The following SLC4A3 variants were observed in gnomAD, a reference collection of about 807,000 sequenced individuals.
SLC4A3 encodes solute carrier family 4 member 3.
Under a neutral mutation model 114.2 loss-of-function variants are expected in SLC4A3, and 47 were observed. That is an observed-to-expected ratio of 0.41 (90% CI 0.33 to 0.52). The LOEUF (loss-of-function observed/expected upper bound fraction) is 0.52, where lower values mean the gene tolerates loss of function less well. Ranked by LOEUF, SLC4A3 falls within the 20% of genes least tolerant of loss-of-function variation. The probability of loss-of-function intolerance (pLI) is 0.21; values close to 1 mark genes in which losing one functional copy is unlikely to be tolerated. For synonymous variants in SLC4A3, 693 were observed against 710.3 expected (o/e 0.98, Z 0.39); for missense variants, 1,312 against 1,668.3 (o/e 0.79, Z 3.72).
rs1698884612 is a variant in SLC4A3, at chr2:219,630,625, A to G, written c.811+273A>G. 6.6e-6 allele frequency among the ~76,000 whole-genome samples: 1 copy of G among 152,012 alleles called. No homozygotes were observed. The highest frequency in any genetic ancestry group is 6.5e-5 in the Admixed American group (1 of 15,276). Reference sequence around the variant, plus strand: ...CTAGAAAAAGGCAGCTCTCTTTTTCACATTACTGTATCCCTCCCCAAGGCC... The same window carrying G: ...CTAGAAAAAGGCAGCTCTCTTTTTCGCATTACTGTATCCCTCCCCAAGGCC... On this transcript the variant is annotated intron_variant, in intron 6 of 22. Transcript: ENST00000358055. The surrounding 1 kb of genome is among the most constrained non-coding windows in gnomAD (Gnocchi z 6.9).
chr2:219,632,576 A>C, intron 8 of SLC4A3, 134 bp downstream of exon 8: 1 of 1,120,808 alleles, frequency 8.9e-7, no homozygotes, highest in Non-Finnish European at 1.2e-6. Flanking sequence ...GTGGGGGTCC[A>C]TTTGCCTGGG....
rs1698790511 is a variant in SLC4A3, at chr2:219,628,270, C to T, written c.52-135C>T. 1.1e-5 allele frequency: 11 copies of T among 996,374 alleles called. No homozygotes were observed. Among genetic ancestry groups the T allele is most frequent in the South Asian group, 1.7e-5 (1 of 57,286 alleles). The allele number at this position is 996,374 out of a possible 1,614,324, so 61.7% of individuals were successfully genotyped here. A position where few individuals can be genotyped will look rare whatever the true frequency, so the allele number is the denominator to read the frequency against. ...GAGGGTGGTTTCTGGGATGCTGACACAGGCCTGGGAGCAAGGGGAGGGGGC... is the reference window on the plus strand; with the variant it reads ...GAGGGTGGTTTCTGGGATGCTGACATAGGCCTGGGAGCAAGGGGAGGGGGC... On this transcript the variant is annotated intron_variant, in intron 2 of 22. Coordinates refer to ENST00000358055, the MANE Select transcript of SLC4A3 (RefSeq NM_005070.4). This position sits in a 1 kb window ranked among gnomAD's most constrained non-coding sequence, Gnocchi z 4.8.
In SLC4A3 at chr2:219,634,611, C is replaced by T. The variant is rs371847338; in HGVS notation, c.1746+7C>T. 1.1e-5 allele frequency: 17 copies of T among 1,612,868 alleles called. No individual in the cohort carries two copies. Among genetic ancestry groups the T allele is most frequent in the African/African-American group, 6.7e-5 (5 of 74,908 alleles). ...CACCCTTATGTCTGACAAGGTTGGG[C>T]GCGTGCTGGCTCTCAAGGCCTCTTC... On this transcript the variant is annotated splice_region_variant and intron_variant, in intron 12 of 22. Transcript: ENST00000358055.
chr2:219,640,667 C>T (rs1699294411), intron 21 of SLC4A3, 68 bp downstream of exon 21: 4 of 1,575,244 alleles, frequency 2.5e-6, no homozygotes, highest in East Asian at 2.2e-5. Context: ...GATCTGGGAG[C>T]ATTGATGGAT....
Position 219,629,703 on chromosome 2 carries a change from C to G in SLC4A3, c.611+8C>G. The G allele has an allele frequency of 6.3e-7, 1 of 1,586,994 alleles. No homozygotes were observed. The highest frequency in any genetic ancestry group is 8.6e-7 in the Non-Finnish European group (1 of 1,158,382). On this transcript the variant is annotated splice_region_variant and intron_variant, in intron 5 of 22. Coordinates refer to ENST00000358055, the MANE Select transcript of SLC4A3 (RefSeq NM_005070.4). ...CCCCCAGCACTCCAGCAGGTACTGGCTGCAGCCTCTACTCAGCAGGGCCCA... is the reference window on the plus strand; with the variant it reads ...CCCCCAGCACTCCAGCAGGTACTGGGTGCAGCCTCTACTCAGCAGGGCCCA...
In SLC4A3 at chr2:219,628,427, C is replaced by T. The variant is rs200942352; in HGVS notation, c.74C>T (p.Pro25Leu). 6.2e-7 allele frequency: 1 copy of T among 1,612,864 alleles called. No individual in the cohort carries two copies. Residue 25 changes from proline to leucine, a missense_variant, in exon 3 of 23, where the codon CCC becomes CTC. By Grantham distance (98) the Pro-to-Leu change is moderately conservative (BLOSUM62 -3). Transcript: ENST00000358055. The surrounding 1 kb of genome is among the most constrained non-coding windows in gnomAD (Gnocchi z 4.8). ...CAGGTCCGGGTGCCCTTGGAGGAGC[C>T]CCCTCTAAGTCCAGACGTGGAGGAG... Reference protein sequence around the residue: ...LPQVRVPLEEPPLSPDVEEED... With the variant: ...LPQVRVPLEELPLSPDVEEED...
intron 5 of SLC4A3, chr2:219,629,932 C>A: frequency 1.2e-6 from 1 of 867,390 alleles, no homozygotes; most frequent in Non-Finnish European, 1.8e-6. Flanking sequence ...GTTAGGAGTT[C>A]CCCAGGAGAG....
rs73072582 is a variant in SLC4A3 at position 219,628,514 on chromosome 2, C to T, written c.161C>T (p.Pro54Leu). The change falls in exon 3 of 23, where the codon CCC becomes CTC. Residue 54 changes from proline to leucine, a missense_variant. Transcript: ENST00000358055. The surrounding 1 kb of genome is among the most constrained non-coding windows in gnomAD (Gnocchi z 4.8). The stretch of plus-strand genomic sequence containing the variant: ...AGGTTTGGGGACCTCATCAGCAAGC[C>T]CCCGGCCTGGGACCCCGAGAAGCCC... ...VSRFGDLISK[P>L]PAWDPEKPSR... is the part of the protein sequence containing the mutation. 3,085 of 1,613,652 alleles carry T rather than the reference C, an allele frequency of 1.9e-3. 44 individuals carry two copies. The African/African-American group carries it at 0.037, about 19-fold the overall frequency.
In SLC4A3 at chr2:219,632,763, C is replaced by T. The variant is rs1276690212; in HGVS notation, c.1142-111C>T. 9 of 1,380,956 alleles carry T rather than the reference C, an allele frequency of 6.5e-6. No homozygotes were observed. In the East Asian group the frequency reaches 7.0e-5, roughly 11 times the overall value. 85.5% of individuals were successfully genotyped at this position (1,380,956 alleles called of 1,614,324 possible). Reference sequence around the variant, plus strand: ...TGTGTATCCATCTGGGTACATTGGGCGCTTTGCCCTTCCAGCACATTCGCA... The same window carrying T: ...TGTGTATCCATCTGGGTACATTGGGTGCTTTGCCCTTCCAGCACATTCGCA... On this transcript the variant is annotated intron_variant, in intron 8 of 22. Coordinates refer to ENST00000358055, the MANE Select transcript of SLC4A3 (RefSeq NM_005070.4).
At chr2:219,640,642 A>C in intron 21 of SLC4A3, 43 bp downstream of exon 21, 2 of 1,599,470 alleles carry the variant, frequency 1.3e-6, no homozygotes, top group Non-Finnish European at 1.7e-6. Context: ...GGGTGACGGG[A>C]AGGGGATCCA....
chr2:219,637,606 C>A lies in SLC4A3; in HGVS notation c.2561C>A (p.Pro854Gln), dbSNP rs763459349. 1.2e-6 allele frequency: 2 copies of A among 1,600,818 alleles called. No homozygotes were observed. The highest frequency in any genetic ancestry group is 1.7e-6 in the Non-Finnish European group (2 of 1,172,192). ...YKVFTEHPLL[P>Q]FYPPEGALEG... Reference sequence around the variant, plus strand: ...GTGTTCACAGAGCACCCACTGCTGCCGTTCTACCCCCCTGAGGGGGCCCTG... The same window carrying A: ...GTGTTCACAGAGCACCCACTGCTGCAGTTCTACCCCCCTGAGGGGGCCCTG... The change falls in exon 17 of 23, where the codon CCG becomes CAG. Residue 854 changes from proline to glutamine, a missense_variant. Pro to Gln is a moderately conservative substitution (Grantham distance 76). Transcript: ENST00000358055. The surrounding 1 kb of genome is among the most constrained non-coding windows in gnomAD (Gnocchi z 4.6).
chr2:219,641,791 C>A lies in SLC4A3; in HGVS notation c.*63C>A. ...TAGGGATTGACACCTGGGCCTCAGG[C>A]AGAGCCCAGCCCTGGGCTGGGGGGC... On this transcript the variant is annotated 3_prime_UTR_variant, in exon 23 of 23. Coordinates refer to ENST00000358055, the MANE Select transcript of SLC4A3 (RefSeq NM_005070.4). This position sits in a 1 kb window ranked among gnomAD's most constrained non-coding sequence, Gnocchi z 4.0. 2 of 1,384,612 alleles carry A rather than the reference C, an allele frequency of 1.4e-6. No individual in the cohort carries two copies. Among genetic ancestry groups the A allele is most frequent in the Non-Finnish European group, 2.1e-6 (2 of 972,824 alleles). 85.8% of individuals were successfully genotyped at this position (1,384,612 alleles called of 1,614,324 possible). A position where few individuals can be genotyped will look rare whatever the true frequency, so the allele number is the denominator to read the frequency against.
In SLC4A3 at chr2:219,638,811, G is replaced by A. The variant is rs1163784496; in HGVS notation, c.2965G>A (p.Ala989Thr). 1 of 1,614,194 alleles carries A rather than the reference G, an allele frequency of 6.2e-7. No individual in the cohort carries two copies. The highest frequency in any genetic ancestry group is 1.1e-5 in the South Asian group (1 of 91,088). Residue 989 changes from alanine (A) to threonine (T), a missense_variant, in exon 19 of 23, where the codon GCC becomes ACC. Physicochemically the swap from Ala to Thr is moderately conservative, Grantham distance 58. This residue lies in a region of SLC4A3 where 301 missense variants were observed against 460.7 expected (regional missense o/e 0.65). Coordinates refer to ENST00000358055, the MANE Select transcript of SLC4A3 (RefSeq NM_005070.4). This position sits in a 1 kb window ranked among gnomAD's most constrained non-coding sequence, Gnocchi z 7.5. ...TTTCCCGCCGTGGATGATGGTGGCA[G>A]CCGCTGTTCCCGCCCTCCTCGTCCT... ...RPFPPWMMVA[A>T]AVPALLVLIL...
In SLC4A3 at chr2:219,627,963, G is replaced by T; in HGVS notation, c.-30G>T. 6.2e-7 allele frequency: 1 copy of T among 1,600,390 alleles called. No homozygotes were observed. The highest frequency in any genetic ancestry group is 8.5e-7 in the Non-Finnish European group (1 of 1,174,000). On this transcript the variant is annotated 5_prime_UTR_variant, in exon 2 of 23. Coordinates refer to ENST00000358055, the MANE Select transcript of SLC4A3 (RefSeq NM_005070.4). Reference sequence around the variant, plus strand: ...ACCTGGGTCTCGGGTCCCCTAGTGAGCGAGAGCGTCCCCAGCCGCCTACCT... The same window carrying T: ...ACCTGGGTCTCGGGTCCCCTAGTGATCGAGAGCGTCCCCAGCCGCCTACCT...
Position 219,631,527 on chromosome 2 carries a change from G to T in SLC4A3, c.812-441G>T, listed in dbSNP as rs368689573. On this transcript the variant is annotated intron_variant, in intron 6 of 22. Coordinates refer to ENST00000358055, the MANE Select transcript of SLC4A3 (RefSeq NM_005070.4). This position sits in a 1 kb window ranked among gnomAD's most constrained non-coding sequence, Gnocchi z 6.3. ...GTGGGGCAGACAGGAGGAAGGGAGCGAAGCCCTGCCTGAGTCTACTGGGCT... is the reference window on the plus strand; with the variant it reads ...GTGGGGCAGACAGGAGGAAGGGAGCTAAGCCCTGCCTGAGTCTACTGGGCT... 1.0e-5 allele frequency: 13 copies of T among 1,249,504 alleles called. No individual in the cohort carries two copies. The African/African-American group carries it at 1.9e-4, about 18-fold the overall frequency. The allele number at this position is 1,249,504 out of a possible 1,614,324, so 77.4% of individuals were successfully genotyped here.
chr2:219,628,794 G>A lies in SLC4A3; in HGVS notation c.217+224G>A, dbSNP rs1006763172. On this transcript the variant is annotated intron_variant, in intron 3 of 22. Transcript: ENST00000358055. This position sits in a 1 kb window ranked among gnomAD's most constrained non-coding sequence, Gnocchi z 4.8. ...GGGCCCCAGACCAGGGGAGATCTAG[G>A]GAGCTGGGCCTGGGCCCTTCCACGG... 8.2e-6 allele frequency: 5 copies of A among 610,548 alleles called. No homozygotes were observed. The highest frequency in any genetic ancestry group is 7.4e-5 in the African/African-American group (4 of 53,812). 37.8% of individuals were successfully genotyped at this position (610,548 alleles called of 1,614,324 possible).
Position 219,636,216 on chromosome 2 carries a change from G to C in SLC4A3, c.2192-86G>C. ...TCTAAGGGGCTGCTCTGCTTTTGTTGGGGGCCCCAGTTTAGGACAAGCTAG... is the reference window on the plus strand; with the variant it reads ...TCTAAGGGGCTGCTCTGCTTTTGTTCGGGGCCCCAGTTTAGGACAAGCTAG... On this transcript the variant is annotated intron_variant, in intron 14 of 22. Transcript: ENST00000358055. The surrounding 1 kb of genome is among the most constrained non-coding windows in gnomAD (Gnocchi z 5.5). 1 of 1,530,622 alleles carries C rather than the reference G, an allele frequency of 6.5e-7. No homozygotes were observed. Among genetic ancestry groups the C allele is most frequent in the Admixed American group, 1.7e-5 (1 of 58,678 alleles). The allele number at this position is 1,530,622 out of a possible 1,614,324, so 94.8% of individuals were successfully genotyped here. A position where few individuals can be genotyped will look rare whatever the true frequency, so the allele number is the denominator to read the frequency against.
rs778421493 is a variant in SLC4A3, at chr2:219,636,458, G to A, written c.2340+8G>A. The A allele has an allele frequency of 1.3e-5, 20 of 1,597,634 alleles. No individual in the cohort carries two copies. The highest frequency in any genetic ancestry group is 1.8e-4 in the Middle Eastern group (1 of 5,624). ...GAGGAAGCCTTCTTCAAGGTGAGGCGAAGCCTTGCCCTGCTCCATCCATCC... is the reference window on the plus strand; with the variant it reads ...GAGGAAGCCTTCTTCAAGGTGAGGCAAAGCCTTGCCCTGCTCCATCCATCC... On this transcript the variant is annotated splice_region_variant and intron_variant, in intron 15 of 22. Coordinates refer to ENST00000358055, the MANE Select transcript of SLC4A3 (RefSeq NM_005070.4). This position sits in a 1 kb window ranked among gnomAD's most constrained non-coding sequence, Gnocchi z 5.5.
At chr2:219,640,667 C>CA (rs756529618) in intron 21 of SLC4A3, 68 bp downstream of exon 21, 2 of 1,575,362 alleles carry the variant, frequency 1.3e-6, no homozygotes, top group Non-Finnish European at 1.7e-6. Context: ...GATCTGGGAG[C>CA]ATTGATGGAT....
Sources: gnomAD v4.1 joint callset for allele counts (sites outside exome capture counted in the v4.1 genomes callset) on GRCh38, gnomAD v4.1.1 for gene constraint, gnomAD v4.1.1 regional missense constraint, Gnocchi (gnomAD v3.1) non-coding constraint, MANE v1.5 for transcripts, NCBI Gene and HGNC (gene_info 2026-07-23, HGNC 2026-07-21) for gene names.